Variants in DNAI4 observed in about 807,000 individuals in gnomAD.
The protein encoded by DNAI4 is dynein axonemal intermediate chain 4.
A neutral mutation model predicts 105.8 loss-of-function variants in DNAI4; 85 were observed. That is an observed-to-expected ratio of 0.80 (90% CI 0.67 to 0.96). DNAI4 has a LOEUF of 0.96. Among genes scored for constraint, DNAI4 ranks in the 40% least tolerant of loss-of-function variants. The pLI is 0.00. For missense variants in DNAI4, 1,014 were observed against 1,005.6 expected (o/e 1.01, Z -0.11); for synonymous variants, 352 against 331.5 (o/e 1.06, Z -0.67).
chr1:66,824,684 A>G (rs939534371), intron 15 of DNAI4, among the ~76,000 whole-genome samples: 8 of 151,980 alleles, frequency 5.3e-5, no homozygotes, highest in East Asian at 1.9e-4. Context: ...GTGAATGGGA[A>G]TTCACTCATG....
rs1328199030 is a variant in DNAI4, at chr1:66,905,349, G to C, written c.197C>G (p.Ser66Cys). The change falls in exon 2 of 17, where the codon TCT (serine) becomes TGT (cysteine). Residue 66 changes from serine to cysteine, a missense_variant. By Grantham distance (112) the Ser-to-Cys change is moderately radical. Coordinates refer to ENST00000371026, the MANE Select transcript of DNAI4 (RefSeq NM_024763.5). The part of the protein sequence containing the change: ...GLNNATQPKK[S>C]ISFFATMKAT... ...TTTCATTGTAGCAAAAAAGCTAATA[G>C]ACTTCTTTGGTTGTGTGGCATTGTT... is the stretch of plus-strand genomic sequence containing the variant. The C allele has an allele frequency of 1.3e-6, 2 of 1,504,398 alleles. No homozygotes were observed. Among genetic ancestry groups the C allele is most frequent in the East Asian group, 4.7e-5 (2 of 42,774 alleles). 93.2% of individuals were successfully genotyped at this position (1,504,398 alleles called of 1,614,324 possible).
At chr1:66,889,797 CTCA>C (rs1339071191) in intron 4 of DNAI4, among the ~76,000 whole-genome samples, 1 of 152,094 alleles carries the variant, frequency 6.6e-6, no homozygotes, top group Non-Finnish European at 1.5e-5. Context: ...CTTCTATTAC[CTCA>C]TGTTTTACCC....
chr1:66,847,598 C>T lies in DNAI4; in HGVS notation c.1177G>A (p.Ala393Thr). 1 of 1,613,830 alleles carries T rather than the reference C, an allele frequency of 6.2e-7. No homozygotes were observed. Among genetic ancestry groups the T allele is most frequent in the Non-Finnish European group, 8.5e-7 (1 of 1,179,852 alleles). Residue 393 changes from alanine to threonine, a missense_variant, in exon 8 of 17, where the codon GCA becomes ACA. Physicochemically the swap from Ala to Thr is moderately conservative, Grantham distance 58. Transcript: ENST00000371026. ...IHEDEEDHSD[A>T]ILKSDKFHQD... ...TGAAATTTGTCAGATTTTAATATTG[C>T]ATCTGAGTGGTCTTCCTCATCTTCA... is the stretch of plus-strand genomic sequence containing the variant.
At chr1:66,867,304 C>T (rs1462817136) in intron 6 of DNAI4, among the ~76,000 whole-genome samples, 1 of 152,198 alleles carries the variant, frequency 6.6e-6, no homozygotes, top group Non-Finnish European at 1.5e-5. Context: ...TATGCTGGCA[C>T]TTGTTGTTCC....
At position 66,826,981 on chromosome 1, in the gene DNAI4, A is replaced by G. The variant is rs187904383; in HGVS notation, c.2178T>C (p.Asp726=). Residue 726 remains aspartate (D), a synonymous_variant, in exon 15 of 17, where the codon GAT becomes GAC. Coordinates refer to ENST00000371026, the MANE Select transcript of DNAI4 (RefSeq NM_024763.5). ...CCTGTTGCCATATAATAACACCCCA[A>G]TCTGCAGAACAGCTTAAAAATACAT... is the stretch of plus-strand genomic sequence containing the variant. The part of the protein sequence containing the change: ...CHDVFLSCSA[D]WGVIIWQQEN... The G allele has an allele frequency of 2.3e-5, 37 of 1,614,128 alleles. No homozygotes were observed. The African/African-American group carries it at 4.5e-4, about 20-fold the overall frequency.
intron 2 of DNAI4, among the ~76,000 whole-genome samples, chr1:66,895,533 A>G (rs1241643199): frequency 6.6e-6 from 1 of 152,246 alleles, no homozygotes; most frequent in Non-Finnish European, 1.5e-5. Flanking sequence ...ACAAATATTC[A>G]ATCCACAAAT....
intron 3 of DNAI4, 116 bp downstream of exon 3, chr1:66,893,113 G>GAAAGAAAGAAAGA (rs1389021990): frequency 4.0e-5 from 20 of 504,346 alleles, no homozygotes; most frequent in Non-Finnish European, 5.5e-5. Context: ...AAGAAAGAAA[G>GAAAGAAAGAAAGA]AAAGAAAGAA....
intron 7 of DNAI4, among the ~76,000 whole-genome samples, chr1:66,850,636 G>A (rs1646376898): frequency 6.6e-6 from 1 of 151,866 alleles, no homozygotes; most frequent in South Asian, 2.1e-4. Flanking sequence ...GTCTGATATA[G>A]TTTTAAATGT....
intron 2 of DNAI4, among the ~76,000 whole-genome samples, chr1:66,901,215 T>G (rs1648792262): frequency 6.6e-6 from 1 of 152,224 alleles, no homozygotes; most frequent in Admixed American, 6.5e-5. Context: ...CAAATATTTT[T>G]TATTTCCTCC....
intron 1 of DNAI4, 139 bp from the exon 2 acceptor site, chr1:66,905,514 ATC>A (rs1358059593): frequency 5.8e-6 from 3 of 516,308 alleles, no homozygotes; most frequent in Admixed American, 4.1e-5. Context: ...ACTATTTGAA[ATC>A]TTATTATGTA....
intron 1 of DNAI4, chr1:66,906,964 T>C (rs1649300038): frequency 6.6e-6 from 1 of 152,168 alleles, no homozygotes; most frequent in African/African-American, 2.4e-5. Context: ...TCTCAGGGAC[T>C]CTTCTCCATC....
intron 6 of DNAI4, among the ~76,000 whole-genome samples, chr1:66,869,687 A>G (rs1357176869): frequency 6.6e-6 from 1 of 152,220 alleles, no homozygotes; most frequent in Non-Finnish European, 1.5e-5. Flanking sequence ...TACCTTTATT[A>G]CTGATAATGT....
chr1:66,894,332 T>A (rs1213324231), intron 2 of DNAI4, among the ~76,000 whole-genome samples: 1 of 152,140 alleles, frequency 6.6e-6, no homozygotes. Context: ...GATTTCCGTT[T>A]GGAGGGGGAG....
intron 4 of DNAI4, among the ~76,000 whole-genome samples, chr1:66,877,198 G>T (rs1008597144): frequency 6.6e-6 from 1 of 152,096 alleles, no homozygotes; most frequent in African/African-American, 2.4e-5. Flanking sequence ...CAGCATAATT[G>T]AGTCACAAAA....
Position 66,893,407 on chromosome 1 carries a change from C to A in DNAI4, c.352G>T (p.Asp118Tyr). The change falls in exon 3 of 17, where the codon GAC (aspartate) becomes TAC (tyrosine). Residue 118 changes from aspartate (D) to tyrosine (Y), a missense_variant. Asp to Tyr is a radical substitution (Grantham distance 160, BLOSUM62 -3). Coordinates refer to ENST00000371026, the MANE Select transcript of DNAI4 (RefSeq NM_024763.5). ...NPNIKTTQVFDINGTDVTPRP... is the reference protein window; with the variant it reads ...NPNIKTTQVFYINGTDVTPRP... ...GGAGTAACATCAGTTCCATTTATGTCAAATACCTGTTAAAAATGGTTATTT... is the reference window on the plus strand; with the variant it reads ...GGAGTAACATCAGTTCCATTTATGTAAAATACCTGTTAAAAATGGTTATTT... 1.3e-6 allele frequency: 2 copies of A among 1,522,474 alleles called. No individual in the cohort carries two copies. The highest frequency in any genetic ancestry group is 2.4e-5 in the East Asian group (1 of 41,340). 94.3% of individuals were successfully genotyped at this position (1,522,474 alleles called of 1,614,324 possible).
chr1:66,815,770 G>A (rs922186239), intron 16 of DNAI4, among the ~76,000 whole-genome samples: 1 of 152,128 alleles, frequency 6.6e-6, no homozygotes, highest in Non-Finnish European at 1.5e-5. Flanking sequence ...TGCCTCCCCA[G>A]TCATGAATGT....
chr1:66,869,481 T>C (rs1487129716), intron 6 of DNAI4, among the ~76,000 whole-genome samples: 1 of 152,170 alleles, frequency 6.6e-6, no homozygotes, highest in Non-Finnish European at 1.5e-5. Flanking sequence ...TAAAGTTACA[T>C]ACAGTAATCC....
rs1222388678 is a variant in DNAI4, at chr1:66,890,854, AGAAGAG to A, written c.643+294_643+299del. 33 of 346,116 alleles carry A rather than the reference AGAAGAG, an allele frequency of 9.5e-5. No homozygotes were observed. Among genetic ancestry groups the A allele is most frequent in the African/African-American group, 7.7e-4 (25 of 32,548 alleles). 21.4% of individuals were successfully genotyped at this position (346,116 alleles called of 1,614,324 possible). On this transcript the variant is annotated intron_variant, in intron 4 of 16. Coordinates refer to ENST00000371026, the MANE Select transcript of DNAI4 (RefSeq NM_024763.5). The surrounding 1 kb of genome is among the most constrained non-coding windows in gnomAD (Gnocchi z 4.1). ...AAGAGGAAGAAAAGGAAGAGGAAGAAGAAGAGGAAGAGGAAGAAGAAGAAGAAGAAG... is the reference window on the plus strand; with the variant it reads ...AAGAGGAAGAAAAGGAAGAGGAAGAAGAAGAGGAAGAAGAAGAAGAAGAAG...
rs908121315 is a variant in DNAI4, at chr1:66,834,048, T to C, written c.1834A>G (p.Ile612Val). 15 of 1,612,480 alleles carry C rather than the reference T, an allele frequency of 9.3e-6. No individual in the cohort carries two copies. Among genetic ancestry groups the C allele is most frequent in the Middle Eastern group, 1.6e-4 (1 of 6,076 alleles). Residue 612 changes from isoleucine (I) to valine (V), a missense_variant, in exon 12 of 17, where the codon ATA becomes GTA. Transcript: ENST00000371026. ...GDGKREILVS[I>V]SADGRISKWV... is the part of the protein sequence containing the mutation. ...TTGGAGATTCTTCCATCTGCTGATA[T>C]AGAAACTAGTATTTCTCTTTTGCCA...
Sources: gnomAD v4.1 joint callset for allele counts (sites outside exome capture counted in the v4.1 genomes callset) on GRCh38, gnomAD v4.1.1 for gene constraint, Gnocchi (gnomAD v3.1) non-coding constraint, MANE v1.5 for transcripts, NCBI Gene and HGNC (gene_info 2026-07-23, HGNC 2026-07-21) for gene names.